The following MTFR1 variants were observed in gnomAD, a reference collection of about 807,000 sequenced individuals.
MTFR1 encodes the protein mitochondrial fission regulator 1, also known as chondrocyte protein with a poly-proline region.
Under a neutral mutation model 38.8 loss-of-function variants are expected in MTFR1, and 28 were observed. The ratio of observed to expected loss-of-function variants is 0.72; its 90% CI spans 0.53 to 0.99. MTFR1 has a LOEUF of 0.99. MTFR1 is among the 50% of genes least tolerant of loss of function. The probability of loss-of-function intolerance (pLI) is 0.00; values close to 1 mark genes in which losing one functional copy is unlikely to be tolerated. For synonymous variants in MTFR1, 145 were observed against 137.0 expected (o/e 1.06, Z -0.41); for missense variants, 358 against 395.5 (o/e 0.91, Z 0.81).
intron 3 of MTFR1, among the ~76,000 whole-genome samples, chr8:65,760,264 T>C (rs1428486512): frequency 1.3e-5 from 2 of 152,180 alleles, no homozygotes; most frequent in Admixed American, 6.5e-5. Context: ...ATGTATCTAT[T>C]ATCTTTTCAT....
intron 1 of MTFR1, among the ~76,000 whole-genome samples, chr8:65,646,518 T>TA (rs1446212010): frequency 6.6e-6 from 1 of 152,110 alleles, no homozygotes; most frequent in African/African-American, 2.4e-5. Flanking sequence ...TTTGAAAAGT[T>TA]AAAGATTATT....
intron 3 of MTFR1, among the ~76,000 whole-genome samples, chr8:65,741,520 G>A (rs1205350201): frequency 6.6e-6 from 1 of 152,196 alleles, no homozygotes; most frequent in African/African-American, 2.4e-5. Flanking sequence ...AGATGTGGCA[G>A]GCCAAAAGAG....
chr8:65,725,205 T>TAA, intron 3 of MTFR1: 3 of 207,918 alleles, frequency 1.4e-5, no homozygotes, highest in East Asian at 1.0e-4. Flanking sequence ...TTATTTGCTT[T>TAA]AAAAAAAAAA....
chr8:65,724,643 G>T (rs761818485), intron 3 of MTFR1: 14 of 739,742 alleles, frequency 1.9e-5, no homozygotes, highest in Non-Finnish European at 2.6e-5. Context: ...AGGAGTGTGC[G>T]CTAATTGAAG....
chr8:65,707,078 C>G lies in MTFR1; in HGVS notation c.586C>G (p.Pro196Ala). 6.3e-7 allele frequency: 1 copy of G among 1,579,002 alleles called. No individual in the cohort carries two copies. The highest frequency in any genetic ancestry group is 1.3e-5 in the African/African-American group (1 of 74,128). The change falls in exon 6 of 8, where the codon CCC becomes GCC. Residue 196 changes from proline to alanine, a missense_variant. By Grantham distance (27) the Pro-to-Ala change is conservative (BLOSUM62 -1). Transcript: ENST00000262146. Reference sequence around the variant, plus strand: ...TCCACCTCCCCCACCGCCCCTGCCTCCCCCTGCACTGGGGCTCCACCAAAG... The same window carrying G: ...TCCACCTCCCCCACCGCCCCTGCCTGCCCCTGCACTGGGGCTCCACCAAAG... ...HPPPPPPPLPPPALGLHQSTS... is the reference protein window; with the variant it reads ...HPPPPPPPLPAPALGLHQSTS...
intron 3 of MTFR1, chr8:65,724,198 C>A: frequency 9.4e-7 from 1 of 1,063,790 alleles, no homozygotes; most frequent in East Asian, 2.4e-5. Flanking sequence ...TTTATTCTTA[C>A]GATGTTAAAA....
chr8:65,655,594 C>A (rs1483316741), intron 1 of MTFR1, among the ~76,000 whole-genome samples: 1 of 151,980 alleles, frequency 6.6e-6, no homozygotes, highest in Non-Finnish European at 1.5e-5. Flanking sequence ...TAAGTATCAA[C>A]TGGACTGATG....
chr8:65,707,436 A>G (rs1805817598), intron 6 of MTFR1, among the ~76,000 whole-genome samples, 180 bp downstream of exon 6: 1 of 152,348 alleles, frequency 6.6e-6, no homozygotes, highest in Admixed American at 6.5e-5. Flanking sequence ...ATAAGCTAAC[A>G]TTTCCCAGGT....
In MTFR1 at chr8:65,709,402, T is replaced by C. The variant is rs943716141; in HGVS notation, c.*358T>C. On this transcript the variant is annotated 3_prime_UTR_variant, in exon 8 of 8. Coordinates refer to ENST00000262146, the MANE Select transcript of MTFR1 (RefSeq NM_014637.4). ...ACACTAATTTATCTGTATAAGTGTT[T>C]TATATGCATATTTTTGGACATAAAC... The C allele has an allele frequency of 9.7e-5, 17 of 176,060 alleles. No individual in the cohort carries two copies. In the Admixed American group the frequency reaches 1.0e-3, roughly 10 times the overall value. The allele number at this position is 176,060 out of a possible 1,614,324, so 10.9% of individuals were successfully genotyped here.
At chr8:65,743,433 C>T (rs1334725810) in intron 3 of MTFR1, among the ~76,000 whole-genome samples, 1 of 152,052 alleles carries the variant, frequency 6.6e-6, no homozygotes, top group Non-Finnish European at 1.5e-5. Context: ...AGAGAGATAG[C>T]GAAGGGGAGG....
At chr8:65,657,555 A>T (rs1809301895) in intron 1 of MTFR1, among the ~76,000 whole-genome samples, 1 of 152,042 alleles carries the variant, frequency 6.6e-6, no homozygotes, top group Non-Finnish European at 1.5e-5. Flanking sequence ...ATTTAAAAAA[A>T]TAGCCAGGCA....
At chr8:65,743,359 G>C (rs914095760) in intron 3 of MTFR1, among the ~76,000 whole-genome samples, 1 of 152,152 alleles carries the variant, frequency 6.6e-6, no homozygotes, top group Non-Finnish European at 1.5e-5. Context: ...CTGTGTGTAC[G>C]GGCCAAGGTG....
intron 3 of MTFR1, among the ~76,000 whole-genome samples, chr8:65,731,986 ATTGTTGTTGTTG>A (rs59755336): frequency 3.2e-4 from 45 of 138,766 alleles, no homozygotes; most frequent in East Asian, 4.1e-4. Flanking sequence ...TATTATTATT[ATTGTTGTTGTTG>A]TTGTTGTTGT....
chr8:65,734,058 C>A (rs1453689978), intron 3 of MTFR1, among the ~76,000 whole-genome samples: 1 of 152,166 alleles, frequency 6.6e-6, no homozygotes, highest in Non-Finnish European at 1.5e-5. Flanking sequence ...ACTTCAGACT[C>A]TTTTATGTAA....
At chr8:65,678,065 C>T (rs1290160895) in intron 2 of MTFR1, among the ~76,000 whole-genome samples, 1 of 151,924 alleles carries the variant, frequency 6.6e-6, no homozygotes, top group African/African-American at 2.4e-5. Context: ...TTTTCTTCTC[C>T]CTGCCTTCTC....
intron 3 of MTFR1, among the ~76,000 whole-genome samples, chr8:65,683,975 T>TC (rs1804988430): frequency 6.6e-6 from 1 of 152,236 alleles, no homozygotes; most frequent in Non-Finnish European, 1.5e-5. Context: ...TTTTATAAAC[T>TC]TTTTTCTGAT....
At chr8:65,774,403 A>G (rs1809199030), downstream of MTFR1, among the ~76,000 whole-genome samples, 1 of 152,176 alleles carries the variant, frequency 6.6e-6, no homozygotes, top group Non-Finnish European at 1.5e-5. Flanking sequence ...CTTTGAAACT[A>G]ATCATCAATC....
At chr8:65,734,603 A>C (rs1807045361) in intron 3 of MTFR1, among the ~76,000 whole-genome samples, 1 of 152,074 alleles carries the variant, frequency 6.6e-6, no homozygotes, top group Non-Finnish European at 1.5e-5. Flanking sequence ...CTCTCTCAAC[A>C]ACCACCCAAT....
intron 5 of MTFR1, among the ~76,000 whole-genome samples, chr8:65,706,658 C>T (rs2129059416): frequency 6.6e-6 from 1 of 152,266 alleles, no homozygotes; most frequent in Middle Eastern, 3.4e-3. Context: ...ACTAAATTGT[C>T]AAATTGTATG....
Sources: gnomAD v4.1 joint callset for allele counts (sites outside exome capture counted in the v4.1 genomes callset) on GRCh38, gnomAD v4.1.1 for gene constraint, MANE v1.5 for transcripts, NCBI Gene and HGNC (gene_info 2026-07-23, HGNC 2026-07-21) for gene names.